Variants in GPR19 observed in about 807,000 individuals in gnomAD.
GPR19 encodes the protein G protein-coupled receptor 19.
A neutral mutation model predicts 28.5 loss-of-function variants in GPR19; 14 were observed. The ratio of observed to expected loss-of-function variants is 0.49; its 90% CI spans 0.32 to 0.77. The LOEUF (loss-of-function observed/expected upper bound fraction) is 0.77. GPR19 is among the 30% of genes least tolerant of loss of function. GPR19 has a pLI of 0.03. For missense variants in GPR19, 409 were observed against 504.1 expected, an observed-to-expected ratio of 0.81 and a Z score of 1.81; for synonymous variants, 173 against 184.1, an observed-to-expected ratio of 0.94 and a Z score of 0.49.
intron 2 of GPR19, among the ~76,000 whole-genome samples, chr12:12,686,448 G>A (rs1172404329): frequency 6.6e-6 from 1 of 152,180 alleles, no homozygotes; most frequent in East Asian, 1.9e-4. Context: ...CAGCAGGTTG[G>A]TGACTTGGAT....
the GPR19 span, chr12:12,703,357 A>G: frequency 1.1e-5 from 11 of 984,544 alleles, no homozygotes; most frequent in East Asian, 4.5e-4. Flanking sequence ...CACAAGTAGT[A>G]TATGGAGTAT....
intron 3 of GPR19, among the ~76,000 whole-genome samples, chr12:12,673,348 T>C (rs1404522139): frequency 1.3e-5 from 2 of 152,212 alleles, no homozygotes; most frequent in Non-Finnish European, 2.9e-5. Flanking sequence ...CTGTAAACTG[T>C]CACATGAAGA....
chr12:12,689,176 G>T (rs1566162364), intron 2 of GPR19, among the ~76,000 whole-genome samples: 1 of 152,152 alleles, frequency 6.6e-6, no homozygotes, highest in African/African-American at 2.4e-5. Context: ...GATCTTAAGA[G>T]AATTCACTCA....
Position 12,661,014 on chromosome 12 carries a change from G to A in GPR19, c.*187C>T, listed in dbSNP as rs926437449. On this transcript the variant is annotated 3_prime_UTR_variant, in exon 4 of 4. Transcript: ENST00000651487. This position sits in a 1 kb window ranked among gnomAD's most constrained non-coding sequence, Gnocchi z 4.2. Reference sequence around the variant, plus strand: ...CTGTTGGCTAAAGTTCAAAGTGAACGCTTTTCCTAAAACATAAAAAGCAAG... The same window carrying A: ...CTGTTGGCTAAAGTTCAAAGTGAACACTTTTCCTAAAACATAAAAAGCAAG... The A allele has an allele frequency of 1.9e-5, 10 of 519,750 alleles. No individual in the cohort carries two copies. The highest frequency in any genetic ancestry group is 1.5e-4 in the East Asian group (5 of 33,006). 32.2% of individuals were successfully genotyped at this position (519,750 alleles called of 1,614,324 possible).
chr12:12,667,873 C>A lies in GPR19; in HGVS notation c.-22-5403G>T, dbSNP rs546787172. On this transcript the variant is annotated intron_variant, in intron 3 of 3. Transcript: ENST00000651487. ...AAGGACTATGTCTTTACTTCTATAT[C>A]CCTGGGGCACATAGCTATTAAAAAA... is the stretch of plus-strand genomic sequence containing the variant. 3.6e-4 allele frequency among the ~76,000 whole-genome samples: 55 copies of A among 152,138 alleles called. 2 individuals are homozygous for A. In the South Asian group the frequency reaches 0.011, roughly 32 times the overall value.
chr12:12,700,897 T>C (rs1946319068), upstream of GPR19, among the ~76,000 whole-genome samples: 1 of 152,198 alleles, frequency 6.6e-6, no homozygotes, highest in Admixed American at 6.5e-5. Context: ...TCTTTTTACT[T>C]TTACTTTTTA....
the GPR19 span, among the ~76,000 whole-genome samples, chr12:12,710,228 C>G: frequency 3.9e-5 from 6 of 151,970 alleles, no homozygotes; most frequent in Non-Finnish European, 7.4e-5. Flanking sequence ...TGGCGCGCAC[C>G]TCTAATCCCA....
intron 3 of GPR19, among the ~76,000 whole-genome samples, chr12:12,667,079 A>AT (rs56671818): frequency 0.031 from 4,731 of 152,304 alleles, 252 homozygotes; most frequent in African/African-American, 0.11. Flanking sequence ...AGATAAAAAT[A>AT]TATCTTCAAG....
intron 2 of GPR19, among the ~76,000 whole-genome samples, chr12:12,694,049 G>A (rs1230492154): frequency 1.3e-5 from 2 of 152,092 alleles, no homozygotes; most frequent in Non-Finnish European, 2.9e-5. Context: ...TTGCAAAATG[G>A]AGGGTTTTAA....
chr12:12,712,308 ACTGT>A, the GPR19 span, among the ~76,000 whole-genome samples: 299 of 152,348 alleles, frequency 2.0e-3, 5 homozygotes, highest in East Asian at 0.014. Flanking sequence ...GTCCCTAGAC[ACTGT>A]CTGTCATATC....
chr12:12,678,791 C>T (rs769544901), intron 3 of GPR19, among the ~76,000 whole-genome samples: 3 of 152,118 alleles, frequency 2.0e-5, no homozygotes, highest in Non-Finnish European at 2.9e-5. Context: ...CAATTACTTT[C>T]GCACCAGCCT....
At chr12:12,714,799 G>A in the GPR19 span, among the ~76,000 whole-genome samples, 1 of 152,064 alleles carries the variant, frequency 6.6e-6, no homozygotes, top group African/African-American at 2.4e-5. Flanking sequence ...ACGCGTCGTC[G>A]CTACTACAGC....
chr12:12,716,988 C>T, the GPR19 span: 1 of 994,328 alleles, frequency 1.0e-6, no homozygotes, highest in African/African-American at 1.7e-5. Context: ...TGGTCCAGGT[C>T]CCGGCTTCCC....
At position 12,663,875 on chromosome 12, in the gene GPR19, T is replaced by TA. The variant is rs1474011698; in HGVS notation, c.-22-1406dup. Among the ~76,000 whole-genome samples, 5 of 152,360 alleles carry TA rather than the reference T, an allele frequency of 3.3e-5. No homozygotes were observed. In the East Asian group the frequency reaches 9.6e-4, roughly 29 times the overall value. Reference sequence around the variant, plus strand: ...ATGTGGCTCCAGCAACAGGCTTTTCTAGTAGTCACTAGTTTCTTTCCTGGT... The same window carrying TA: ...ATGTGGCTCCAGCAACAGGCTTTTCTAAGTAGTCACTAGTTTCTTTCCTGGT... On this transcript the variant is annotated intron_variant, in intron 3 of 3. Transcript: ENST00000651487.
chr12:12,715,037 G>A, the GPR19 span: 3 of 152,166 alleles, frequency 2.0e-5, no homozygotes, highest in South Asian at 2.1e-4. Flanking sequence ...GAAGGGGATC[G>A]AAGTGTTTAT....
At chr12:12,669,205 T>C (rs1292383741) in intron 3 of GPR19, among the ~76,000 whole-genome samples, 1 of 152,234 alleles carries the variant, frequency 6.6e-6, no homozygotes, top group Non-Finnish European at 1.5e-5. Flanking sequence ...CACAACGCAC[T>C]GCACAGAAGC....
At chr12:12,716,904 G>T in the GPR19 span, 1 of 984,530 alleles carries the variant, frequency 1.0e-6, no homozygotes, top group Non-Finnish European at 1.2e-6. Context: ...GGTGGGGGCC[G>T]CTGGGGAGGG....
the GPR19 span, among the ~76,000 whole-genome samples, chr12:12,709,914 A>G: frequency 2.0e-4 from 31 of 152,324 alleles, no homozygotes; most frequent in East Asian, 6.0e-3. Flanking sequence ...TGTCTGATCA[A>G]CTTCGGTAAG....
At chr12:12,707,257 T>C in the GPR19 span, among the ~76,000 whole-genome samples, 1 of 152,258 alleles carries the variant, frequency 6.6e-6, no homozygotes, top group Admixed American at 6.5e-5. Context: ...GAAAAGTCCT[T>C]CCTTGTTCAT....
Sources: gnomAD v4.1 joint callset for allele counts (sites outside exome capture counted in the v4.1 genomes callset) on GRCh38, gnomAD v4.1.1 for gene constraint, Gnocchi (gnomAD v3.1) non-coding constraint, MANE v1.5 for transcripts, NCBI Gene and HGNC (gene_info 2026-07-23, HGNC 2026-07-21) for gene names.